Variants in NKD1 observed in about 807,000 individuals in gnomAD.
The protein encoded by NKD1 is protein naked cuticle homolog 1.
In NKD1, 21 loss-of-function variants were observed where a neutral mutation model predicts 56.0. That is an observed-to-expected ratio of 0.38 (90% confidence interval 0.27 to 0.54). The LOEUF is 0.54. Among genes scored for constraint, NKD1 ranks in the 20% least tolerant of loss-of-function variants. The pLI is 0.82. For synonymous variants in NKD1, 263 were observed against 265.7 expected, an observed-to-expected ratio of 0.99 and a Z score of 0.10; for missense variants, 578 against 642.7, an observed-to-expected ratio of 0.90 and a Z score of 1.09.
At chr16:50,630,379 C>A in intron 7 of NKD1, 46 bp downstream of exon 7, 1 of 1,603,370 alleles carries the variant, frequency 6.2e-7, no homozygotes, top group South Asian at 1.1e-5. Flanking sequence ...CCTCCCATCT[C>A]AGGAAGGAAC....
Position 50,623,669 on chromosome 16 carries a change from TACTCA to T in NKD1, c.367-1810_367-1806del, listed in dbSNP as rs1393077587. ...GTGACAGGTGGGACAAGTGGCCAGT[TACTCA>T]ACTCATGTTTCTGAAGCTCAGACCC... On this transcript the variant is annotated intron_variant, in intron 5 of 9. Transcript: ENST00000268459. This position sits in a 1 kb window ranked among gnomAD's most constrained non-coding sequence, Gnocchi z 4.1. 6.6e-6 allele frequency among the ~76,000 whole-genome samples: 1 copy of T among 151,736 alleles called. No homozygotes were observed. The highest frequency in any genetic ancestry group is 1.5e-5 in the Non-Finnish European group (1 of 67,968).
chr16:50,574,937 C>A (rs1960960332), intron 3 of NKD1: 3 of 984,704 alleles, frequency 3.0e-6, no homozygotes, highest in African/African-American at 3.5e-5. Flanking sequence ...TTTCCTTTTC[C>A]CTTTAAACAT....
intron 3 of NKD1, among the ~76,000 whole-genome samples, chr16:50,605,265 G>C (rs186991711): frequency 1.3e-5 from 2 of 152,238 alleles, no homozygotes; most frequent in East Asian, 3.8e-4. Flanking sequence ...GGTAGATGAC[G>C]GGTGACTGTC....
In NKD1 at chr16:50,637,038, G is replaced by T. The variant is rs920053799; in HGVS notation, c.*3257G>T. The T allele has an allele frequency of 1.3e-5, 2 of 152,110 alleles. No individual in the cohort carries two copies. Among genetic ancestry groups the T allele is most frequent in the African/African-American group, 4.8e-5 (2 of 41,380 alleles). The allele number at this position is 152,110 out of a possible 1,614,324, so 9.4% of individuals were successfully genotyped here. A position where few individuals can be genotyped will look rare whatever the true frequency, so the allele number is the denominator to read the frequency against. On this transcript the variant is annotated 3_prime_UTR_variant, in exon 10 of 10. Transcript: ENST00000268459. ...CTCTGCCCCCTTCTCTCTAACAGCT[G>T]CTCAGCCTTCTGTGACTAGAGGTGC...
intron 3 of NKD1, 122 bp from the exon 4 acceptor site, chr16:50,608,172 C>A: frequency 2.6e-6 from 2 of 768,626 alleles, no homozygotes; most frequent in Non-Finnish European, 4.7e-6. Flanking sequence ...ATAGGATCTG[C>A]CTCAGTTGAC....
chr16:50,597,324 G>A (rs886760100), intron 3 of NKD1, among the ~76,000 whole-genome samples: 1 of 152,094 alleles, frequency 6.6e-6, no homozygotes, highest in African/African-American at 2.4e-5. Flanking sequence ...GCCGCCAGGC[G>A]TCCGGTTTGG....
intron 3 of NKD1, chr16:50,557,171 A>G (rs1960521576): frequency 6.6e-6 from 1 of 152,206 alleles, no homozygotes; most frequent in Non-Finnish European, 1.5e-5. Context: ...AGGAAAACAG[A>G]AATATTTTCA....
At chr16:50,597,489 G>T (rs1300524755) in intron 3 of NKD1, among the ~76,000 whole-genome samples, 4 of 152,184 alleles carry the variant, frequency 2.6e-5, no homozygotes, top group African/African-American at 7.2e-5. Flanking sequence ...TAAAAAGAGA[G>T]AATATAAATA....
intron 3 of NKD1, chr16:50,553,684 G>A (rs1014612156): frequency 6.6e-6 from 1 of 152,258 alleles, no homozygotes; most frequent in African/African-American, 2.4e-5. Context: ...GCTATGTGAT[G>A]GGAGGTGGGC....
chr16:50,617,497 C>T (rs888640473), intron 4 of NKD1, among the ~76,000 whole-genome samples: 2 of 152,138 alleles, frequency 1.3e-5, no homozygotes, highest in Admixed American at 6.5e-5. Context: ...CAAAGGGAGC[C>T]GGGTGAAGAT....
chr16:50,573,139 A>G (rs1325102122), intron 3 of NKD1, among the ~76,000 whole-genome samples: 1 of 152,208 alleles, frequency 6.6e-6, no homozygotes. Context: ...ATGACTAATT[A>G]TCATTCCCTC....
intron 4 of NKD1, among the ~76,000 whole-genome samples, chr16:50,610,217 T>G (rs1230674834): frequency 6.6e-6 from 1 of 152,168 alleles, no homozygotes; most frequent in Non-Finnish European, 1.5e-5. Context: ...AAACCACAAT[T>G]ATGTATTCCT....
Position 50,598,501 on chromosome 16 carries a change from A to C in NKD1, c.193-9793A>C, listed in dbSNP as rs912200638. Among the ~76,000 whole-genome samples the C allele has an allele frequency of 6.6e-6, 1 of 151,942 alleles. No homozygotes were observed. The highest frequency in any genetic ancestry group is 1.5e-5 in the Non-Finnish European group (1 of 67,976). ...GTGAGGTGGCCTATGGCTATGGGGC[A>C]CCCTTCCTTGGGGCCAGATGACAGT... On this transcript the variant is annotated intron_variant, in intron 3 of 9. Transcript: ENST00000268459. This position sits in a 1 kb window ranked among gnomAD's most constrained non-coding sequence, Gnocchi z 4.2.
chr16:50,562,016 A>T (rs914119809), intron 3 of NKD1, among the ~76,000 whole-genome samples: 2 of 152,202 alleles, frequency 1.3e-5, no homozygotes, highest in Non-Finnish European at 2.9e-5. Flanking sequence ...GGACTAAGAA[A>T]TATGTGCAGG....
chr16:50,608,317 A>G lies in NKD1; in HGVS notation c.216A>G (p.Arg72=). ...AGGAGCTCGTGGGCGACGTGTTGAG[A>G]GACACGCTCAGCGAGGAAGAGGAGG... ...STRELVGDVL[R]DTLSEEEEDD... Residue 72 remains arginine, a synonymous_variant, in exon 4 of 10, where the codon AGA becomes AGG. Transcript: ENST00000268459. 2 of 1,613,440 alleles carry G rather than the reference A, an allele frequency of 1.2e-6. No homozygotes were observed. The highest frequency in any genetic ancestry group is 1.7e-6 in the Non-Finnish European group (2 of 1,179,632).
intron 3 of NKD1, among the ~76,000 whole-genome samples, chr16:50,550,849 G>C (rs1356275510): frequency 2.6e-5 from 4 of 152,208 alleles, no homozygotes; most frequent in African/African-American, 9.6e-5. Flanking sequence ...TCCAGACAGA[G>C]GCCAACTGAG....
intron 5 of NKD1, among the ~76,000 whole-genome samples, chr16:50,622,398 T>G (rs1342419261): frequency 6.6e-6 from 1 of 151,872 alleles, no homozygotes; most frequent in East Asian, 2.0e-4. Context: ...TGTAGCACGC[T>G]CCTGTGCCCC....
intron 3 of NKD1, chr16:50,551,967 C>G (rs573579450): frequency 6.6e-6 from 1 of 152,198 alleles, no homozygotes; most frequent in African/African-American, 2.4e-5. Flanking sequence ...CTGATTCCCT[C>G]TGGTGCCGAA....
Position 50,625,848 on chromosome 16 carries a change from G to GGA in NKD1, c.462+269_462+270insAG, listed in dbSNP as rs1555491613. The stretch of plus-strand genomic sequence containing the variant: ...CCCTCCCGGGAAAGAAGTTGGGGGG[G>GGA]GCAGGTGCAGAGCCCTAGGGCCTCT... On this transcript the variant is annotated intron_variant, in intron 6 of 9. Transcript: ENST00000268459. 1.1e-4 allele frequency among the ~76,000 whole-genome samples: 16 copies of GGA among 152,170 alleles called. No homozygotes were observed. The East Asian group carries it at 2.7e-3, about 26-fold the overall frequency.
Sources: gnomAD v4.1 joint callset for allele counts (sites outside exome capture counted in the v4.1 genomes callset) on GRCh38, gnomAD v4.1.1 for gene constraint, Gnocchi (gnomAD v3.1) non-coding constraint, MANE v1.5 for transcripts, NCBI Gene and HGNC (gene_info 2026-07-23, HGNC 2026-07-21) for gene names.